The following PCDH15 variants were observed in gnomAD, a reference collection of about 807,000 sequenced individuals.
PCDH15 encodes protocadherin-15.
A neutral mutation model predicts 178.5 loss-of-function variants in PCDH15; 129 were observed. That is an observed-to-expected ratio of 0.72 (90% confidence interval 0.63 to 0.84). The LOEUF is 0.84. Ranked by LOEUF, PCDH15 falls within the 40% of genes least tolerant of loss-of-function variation. The probability of loss-of-function intolerance (pLI) is 0.00; values close to 1 mark genes in which losing one functional copy is unlikely to be tolerated. For missense variants in PCDH15, 2,230 were observed against 2,099.9 expected (o/e 1.06, Z -1.21); for synonymous variants, 800 against 732.0 (o/e 1.09, Z -1.50).
chr10:55,124,386 C>T (rs900028360), intron 2 of PCDH15, among the ~76,000 whole-genome samples: 2 of 152,064 alleles, frequency 1.3e-5, no homozygotes, highest in Non-Finnish European at 2.9e-5. Context: ...AACAGCCATT[C>T]AAGATGATTT....
chr10:54,419,995 A>G (rs2135792448), intron 3 of PCDH15, among the ~76,000 whole-genome samples: 1 of 152,210 alleles, frequency 6.6e-6, no homozygotes, highest in South Asian at 2.1e-4. Context: ...AAGGAAATAA[A>G]AGGTGCAAGT....
At chr10:54,123,497 G>A (rs1035139613) in intron 15 of PCDH15, among the ~76,000 whole-genome samples, 4 of 152,044 alleles carry the variant, frequency 2.6e-5, no homozygotes, top group African/African-American at 9.7e-5. Flanking sequence ...AGTCAGGGTG[G>A]CTATTATTTA....
intron 2 of PCDH15, among the ~76,000 whole-genome samples, chr10:55,624,646 T>C (rs1589195910): frequency 6.6e-6 from 1 of 152,128 alleles, no homozygotes; most frequent in African/African-American, 2.4e-5. Flanking sequence ...TATATGAAAA[T>C]AGTACAAAAG....
chr10:54,756,983 G>C (rs1947217360), intron 1 of PCDH15, among the ~76,000 whole-genome samples: 2 of 116,856 alleles, frequency 1.7e-5, no homozygotes, highest in African/African-American at 6.6e-5. Flanking sequence ...TGAAGACAGA[G>C]GATGCTTGGC....
In PCDH15 at chr10:55,086,305, T is replaced by C. The variant is rs545872472; in HGVS notation, c.-80+80271A>G. On this transcript the variant is annotated intron_variant, in intron 2 of 5. Coordinates refer to the PCDH15 transcript ENST00000458638. ...AAGTGTATTTTCTATTGGTACAACA[T>C]ATAAGAGAAATATATATGTATATAT... Among the ~76,000 whole-genome samples, 5 of 152,108 alleles carry C rather than the reference T, an allele frequency of 3.3e-5. No individual in the cohort carries two copies. In the South Asian group the frequency reaches 1.0e-3, roughly 31 times the overall value.
chr10:55,180,627 G>A (rs1297290363), intron 1 of PCDH15, among the ~76,000 whole-genome samples: 1 of 152,100 alleles, frequency 6.6e-6, no homozygotes, highest in Non-Finnish European at 1.5e-5. Flanking sequence ...TAAATTAGAT[G>A]AGAATATGTC....
intron 21 of PCDH15, among the ~76,000 whole-genome samples, chr10:53,969,631 G>T (rs765837054): frequency 1.2e-4 from 18 of 152,278 alleles, no homozygotes; most frequent in South Asian, 4.1e-4. Context: ...ACCCACAAAG[G>T]GAAGCCCATC....
chr10:54,271,627 A>C (rs2058054648), intron 8 of PCDH15, among the ~76,000 whole-genome samples: 1 of 152,184 alleles, frequency 6.6e-6, no homozygotes, highest in Non-Finnish European at 1.5e-5. Context: ...GGACTCAACA[A>C]GTATTATTTA....
chr10:53,949,424 C>T (rs2086831092), intron 23 of PCDH15, among the ~76,000 whole-genome samples: 1 of 152,226 alleles, frequency 6.6e-6, no homozygotes, highest in African/African-American at 2.4e-5. Flanking sequence ...AGACAGCTTT[C>T]ATTAACTTAT....
intron 3 of PCDH15, among the ~76,000 whole-genome samples, chr10:54,490,899 T>G (rs948834069): frequency 2.0e-5 from 3 of 152,176 alleles, no homozygotes; most frequent in Non-Finnish European, 4.4e-5. Context: ...GATACTGAAG[T>G]AATGCTCCAA....
chr10:54,297,322 A>G (rs955175307), intron 8 of PCDH15, among the ~76,000 whole-genome samples: 2 of 152,140 alleles, frequency 1.3e-5, no homozygotes, highest in Non-Finnish European at 2.9e-5. Flanking sequence ...TTTTTTCTGC[A>G]CTATGGCTCG....
intron 21 of PCDH15, among the ~76,000 whole-genome samples, chr10:53,983,330 T>C (rs1358018594): frequency 1.3e-5 from 2 of 150,622 alleles, no homozygotes; most frequent in African/African-American, 4.9e-5. Flanking sequence ...TTTAACTGGA[T>C]GTCAAGGTAT....
intron 9 of PCDH15, among the ~76,000 whole-genome samples, 198 bp from the exon 10 acceptor site, chr10:54,214,246 T>C (rs2051754648): frequency 1.3e-5 from 1 of 75,050 alleles, no homozygotes; most frequent in Non-Finnish European, 3.0e-5. Context: ...AGTAAGAAAA[T>C]GGAAAATGTT....
chr10:55,561,698 A>T (rs992674114), intron 2 of PCDH15, among the ~76,000 whole-genome samples: 6 of 151,902 alleles, frequency 3.9e-5, no homozygotes, highest in African/African-American at 7.2e-5. Flanking sequence ...TTTCAAGGAA[A>T]TACCAGAGTA....
intron 2 of PCDH15, among the ~76,000 whole-genome samples, chr10:54,605,192 T>C (rs1199383556): frequency 6.6e-6 from 1 of 152,000 alleles, no homozygotes; most frequent in South Asian, 2.1e-4. Flanking sequence ...CACAATAATA[T>C]AGTATTTTTT....
chr10:54,528,341 A>G, intron 2 of PCDH15: 2 of 1,512,926 alleles, frequency 1.3e-6, no homozygotes, highest in South Asian at 2.4e-5. Context: ...AAGACAGACA[A>G]GCAATGCTCA....
At chr10:54,454,245 T>C (rs2076670637) in intron 3 of PCDH15, among the ~76,000 whole-genome samples, 1 of 149,470 alleles carries the variant, frequency 6.7e-6, no homozygotes, top group Non-Finnish European at 1.5e-5. Flanking sequence ...AAATACACAA[T>C]GACCAAACAG....
At chr10:55,586,011 T>C (rs990996919) in intron 2 of PCDH15, among the ~76,000 whole-genome samples, 2 of 152,094 alleles carry the variant, frequency 1.3e-5, no homozygotes, top group Non-Finnish European at 2.9e-5. Flanking sequence ...GTGTATGAAT[T>C]CAGCCTAATC....
chr10:55,090,415 C>T (rs1842287580), intron 2 of PCDH15, among the ~76,000 whole-genome samples: 1 of 152,028 alleles, frequency 6.6e-6, no homozygotes, highest in Non-Finnish European at 1.5e-5. Context: ...CAAGATCTAA[C>T]TGAGAAGAGG....
Sources: allele counts gnomAD v4.1 joint callset (sites outside exome capture counted in the v4.1 genomes callset), GRCh38; gene constraint gnomAD v4.1.1; transcripts MANE v1.5; gene names NCBI Gene and HGNC (gene_info 2026-07-23, HGNC 2026-07-21).